HHLA2: variants seen among roughly 807,000 people sequenced by gnomAD.
HHLA2 encodes HERV-H LTR-associating protein 2.
In HHLA2, 48 loss-of-function variants were observed where a neutral mutation model predicts 45.9. The ratio of observed to expected loss-of-function variants is 1.05; its 90% CI spans 0.83 to 1.33. HHLA2 has a LOEUF of 1.33. Among genes scored for constraint, HHLA2 ranks in the 40% most tolerant of loss-of-function variants. The pLI, the probability that HHLA2 is intolerant of heterozygous loss-of-function variation, is 0.00. For synonymous variants in HHLA2, 161 were observed against 173.9 expected (o/e 0.93, Z 0.59); for missense variants, 462 against 494.3 (o/e 0.93, Z 0.62).
At chr3:108,378,049 C>A (rs1419680239) in exon 11 of HHLA2, 1 of 152,188 alleles carries the variant, frequency 6.6e-6, no homozygotes, top group Non-Finnish European at 1.5e-5. Context: ...TCTCCCCCAC[C>A]CTTAAGAAGG....
exon 11 of HHLA2, chr3:108,377,554 TTC>T (rs2082295652): frequency 2.5e-6 from 1 of 402,646 alleles, no homozygotes; most frequent in Admixed American, 4.0e-5. Context: ...TCATTTACAT[TTC>T]TGTTACAGTC....
intron 1 of HHLA2, among the ~76,000 whole-genome samples, chr3:108,306,585 G>C (rs2080934264): frequency 6.6e-6 from 1 of 152,098 alleles, no homozygotes; most frequent in Admixed American, 6.5e-5. Flanking sequence ...TTTCTATTTT[G>C]TGTGTATGTC....
intron 8 of HHLA2, among the ~76,000 whole-genome samples, chr3:108,374,564 T>G (rs2082239043): frequency 6.6e-6 from 1 of 151,408 alleles, no homozygotes; most frequent in African/African-American, 2.4e-5. Context: ...GGGAGAAAAT[T>G]TTCGCAACCT....
chr3:108,344,059 T>C (rs1273003745), intron 3 of HHLA2, among the ~76,000 whole-genome samples: 1 of 152,194 alleles, frequency 6.6e-6, no homozygotes, highest in Non-Finnish European at 1.5e-5. Context: ...TAAAAACTAG[T>C]TAGTCTAGCT....
intron 2 of HHLA2, among the ~76,000 whole-genome samples, chr3:108,311,100 A>C (rs1327764164): frequency 6.6e-6 from 1 of 152,192 alleles, no homozygotes; most frequent in African/African-American, 2.4e-5. Flanking sequence ...TGTTCTACTC[A>C]TAACAAACCT....
chr3:108,357,954 G>A (rs1263224504), exon 7 of HHLA2: 24 of 1,613,724 alleles, frequency 1.5e-5, no homozygotes, highest in Non-Finnish European at 2.0e-5. Flanking sequence ...AATGAAAAGT[G>A]GGACTTTCTC....
Position 108,373,383 on chromosome 3 carries a change from G to A in HHLA2, c.1109-2367G>A, listed in dbSNP as rs1009151605. On this transcript the variant is annotated intron_variant, in intron 8 of 10. Coordinates refer to ENST00000619531, the Ensembl canonical transcript of HHLA2. ...CCCACAGCCAATATCATACTGAACGGACAAAAACTGGAAGCATTCCCTTTG... is the reference window on the plus strand; with the variant it reads ...CCCACAGCCAATATCATACTGAACGAACAAAAACTGGAAGCATTCCCTTTG... Among the ~76,000 whole-genome samples, 118 of 152,126 alleles carry A rather than the reference G, an allele frequency of 7.8e-4. 1 individual carries two copies. Among genetic ancestry groups the A allele is most frequent in the Non-Finnish European group, 5.3e-4 (36 of 68,022 alleles).
At chr3:108,370,030 A>AC (rs147642620) in intron 8 of HHLA2, among the ~76,000 whole-genome samples, 12,145 of 152,076 alleles carry the variant, frequency 0.08, 668 homozygotes, top group African/African-American at 0.16. Context: ...TGGGTCCCTG[A>AC]CCCCCGAGTG....
chr3:108,358,003 T>C (rs1416392682), exon 7 of HHLA2: 10 of 1,613,674 alleles, frequency 6.2e-6, no homozygotes, highest in Non-Finnish European at 5.9e-6. Context: ...CAAAATACAA[T>C]TATCAATGAA....
intron 3 of HHLA2, among the ~76,000 whole-genome samples, chr3:108,330,287 A>C (rs1598682): frequency 0.93 from 141,462 of 152,218 alleles, 66,486 homozygotes; most frequent in Middle Eastern, 0.97. Context: ...AGGAAGTGAT[A>C]ATCAGAGGCT....
chr3:108,369,291 C>T (rs766786381), intron 8 of HHLA2, among the ~76,000 whole-genome samples: 1 of 152,138 alleles, frequency 6.6e-6, no homozygotes, highest in Non-Finnish European at 1.5e-5. Context: ...AAAATCAACA[C>T]CCTAACATCA....
intron 1 of HHLA2, among the ~76,000 whole-genome samples, chr3:108,304,165 A>G (rs1412093759): frequency 6.6e-6 from 1 of 152,130 alleles, no homozygotes; most frequent in African/African-American, 2.4e-5. Context: ...GCCATTGTTT[A>G]TGTTCCCATT....
chr3:108,330,911 G>A (rs1002386864), intron 3 of HHLA2, among the ~76,000 whole-genome samples: 55 of 152,150 alleles, frequency 3.6e-4, no homozygotes, highest in Non-Finnish European at 1.5e-4. Flanking sequence ...GCCTGCTTGT[G>A]AAAGATAAGG....
chr3:108,324,883 A>G (rs781374417), intron 2 of HHLA2, among the ~76,000 whole-genome samples: 2 of 152,064 alleles, frequency 1.3e-5, no homozygotes, highest in African/African-American at 2.4e-5. Context: ...TATGCATTCT[A>G]TAGTTCTTTT....
intron 5 of HHLA2, among the ~76,000 whole-genome samples, 151 bp downstream of exon 4, chr3:108,353,931 A>G (rs2081837416): frequency 6.6e-6 from 1 of 152,204 alleles, no homozygotes; most frequent in Non-Finnish European, 1.5e-5. Flanking sequence ...TAGTATACTA[A>G]TGTTATAAAT....
chr3:108,299,328 T>A (rs199778601), intron 1 of HHLA2, among the ~76,000 whole-genome samples: 10,600 of 142,346 alleles, frequency 0.074, 542 homozygotes, highest in East Asian at 0.29. Context: ...CCAGAAAAAA[T>A]ATATATATAT....
chr3:108,371,665 G>A (rs1373109797), intron 8 of HHLA2, among the ~76,000 whole-genome samples: 1 of 152,106 alleles, frequency 6.6e-6, no homozygotes, highest in Non-Finnish European at 1.5e-5. Flanking sequence ...AAAAATGCAG[G>A]AGTTGCAATC....
chr3:108,315,038 T>A (rs4855639), intron 2 of HHLA2, among the ~76,000 whole-genome samples: 29,047 of 152,138 alleles, frequency 0.19, 3,291 homozygotes, highest in East Asian at 0.53. Flanking sequence ...AGCTCTTCAG[T>A]AGAACAAACA....
intron 1 of HHLA2, among the ~76,000 whole-genome samples, chr3:108,304,744 T>C (rs1007982936): frequency 3.9e-5 from 6 of 152,138 alleles, no homozygotes; most frequent in Non-Finnish European, 8.8e-5. Context: ...ATCGCTAATC[T>C]CTCTAGATCT....
Sources: allele counts gnomAD v4.1 joint callset (sites outside exome capture counted in the v4.1 genomes callset), GRCh38; gene constraint gnomAD v4.1.1; transcripts MANE v1.5; gene names NCBI Gene and HGNC (gene_info 2026-07-23, HGNC 2026-07-21).